Variants in NRG4 observed in about 807,000 individuals in gnomAD.
NRG4 encodes the protein pro-neuregulin-4, membrane-bound isoform.
A neutral mutation model predicts 15.0 loss-of-function variants in NRG4; 10 were observed. The observed-to-expected ratio is 0.67, with a 90% CI of 0.41 to 1.13. The LOEUF is 1.13. Among genes scored for constraint, NRG4 ranks in the 50% most tolerant of loss-of-function variants. The pLI is 0.00. For missense variants in NRG4, 139 were observed against 140.2 expected (o/e 0.99, Z 0.04); for synonymous variants, 41 against 50.1 (o/e 0.82, Z 0.77).
intron 3 of NRG4, among the ~76,000 whole-genome samples, chr15:76,001,937 A>C (rs1055403343): frequency 3.3e-5 from 5 of 152,336 alleles, no homozygotes; most frequent in African/African-American, 1.2e-4. Flanking sequence ...GGGGATACAA[A>C]GCTTAGCTCA....
chr15:76,017,892 G>A (rs1347150843), intron 5 of NRG4, among the ~76,000 whole-genome samples: 3 of 152,140 alleles, frequency 2.0e-5, no homozygotes, highest in Non-Finnish European at 4.4e-5. Flanking sequence ...GGTTGGGGAA[G>A]TTCTACTGGA....
chr15:76,034,905 C>T (rs965904627), intron 5 of NRG4, among the ~76,000 whole-genome samples: 8 of 152,138 alleles, frequency 5.3e-5, no homozygotes, highest in African/African-American at 1.9e-4. Flanking sequence ...CTATAGGATC[C>T]TACTGAAAAG....
At chr15:76,041,418 A>G (rs2035734706) in intron 4 of NRG4, among the ~76,000 whole-genome samples, 2 of 152,098 alleles carry the variant, frequency 1.3e-5, no homozygotes, top group Non-Finnish European at 2.9e-5. Flanking sequence ...ACAAGACCCA[A>G]TGATCTGTTG....
chr15:76,050,221 GT>G (rs2141963903), intron 4 of NRG4, among the ~76,000 whole-genome samples: 1 of 150,950 alleles, frequency 6.6e-6, no homozygotes, highest in East Asian at 1.9e-4. Flanking sequence ...CTCAGCAGAT[GT>G]TCACTACTTG....
At chr15:75,980,054 T>G (rs890787555) in intron 3 of NRG4, among the ~76,000 whole-genome samples, 1 of 152,186 alleles carries the variant, frequency 6.6e-6, no homozygotes, top group African/African-American at 2.4e-5. Context: ...TAACTTTTAT[T>G]GACTGTTTTT....
At chr15:75,995,915 G>C (rs1023499163) in intron 3 of NRG4, among the ~76,000 whole-genome samples, 29 of 152,160 alleles carry the variant, frequency 1.9e-4, no homozygotes, top group Non-Finnish European at 2.9e-5. Context: ...ATGCATTACA[G>C]TTCTAAGTCA....
intron 5 of NRG4, among the ~76,000 whole-genome samples, chr15:76,018,441 G>C (rs1209026488): frequency 6.6e-6 from 1 of 152,110 alleles, no homozygotes; most frequent in African/African-American, 2.4e-5. Flanking sequence ...TTTTTGTGCT[G>C]GTTTTTCCTC....
At chr15:75,966,792 A>G (rs143661498) in intron 3 of NRG4, among the ~76,000 whole-genome samples, 16 of 152,306 alleles carry the variant, frequency 1.1e-4, no homozygotes, top group Non-Finnish European at 2.1e-4. Flanking sequence ...ACTATTAGAA[A>G]TGTTCAAGAA....
chr15:75,995,344 G>C (rs1386009247), intron 3 of NRG4, among the ~76,000 whole-genome samples: 1 of 152,198 alleles, frequency 6.6e-6, no homozygotes, highest in Admixed American at 6.5e-5. Flanking sequence ...GGGGGAGCCA[G>C]TGTATCACCT....
intron 5 of NRG4, among the ~76,000 whole-genome samples, chr15:75,953,542 G>A (rs757049240): frequency 4.6e-5 from 7 of 152,232 alleles, no homozygotes; most frequent in Admixed American, 2.6e-4. Flanking sequence ...AGAATTATAG[G>A]TTTACTTTTT....
At chr15:76,045,824 T>A (rs1038447124) in intron 4 of NRG4, among the ~76,000 whole-genome samples, 1 of 150,916 alleles carries the variant, frequency 6.6e-6, no homozygotes, top group Admixed American at 6.6e-5. Context: ...GGATAGTTAA[T>A]GGATCCAAAT....
intron 4 of NRG4, among the ~76,000 whole-genome samples, chr15:76,037,058 CATACAAAAATCAAT>C (rs2035612600): frequency 6.6e-6 from 1 of 152,018 alleles, no homozygotes; most frequent in Non-Finnish European, 1.5e-5. Flanking sequence ...CAAAAATCAA[CATACAAAAATCAAT>C]AGTATTTCTA....
At chr15:76,004,441 AAAT>A (rs2034522684) in intron 3 of NRG4, among the ~76,000 whole-genome samples, 1 of 151,836 alleles carries the variant, frequency 6.6e-6, no homozygotes, top group Non-Finnish European at 1.5e-5. Context: ...TCTCTACTAA[AAAT>A]ACAAAATTAG....
chr15:75,972,313 G>T (rs368704750), intron 3 of NRG4, among the ~76,000 whole-genome samples: 1 of 152,116 alleles, frequency 6.6e-6, no homozygotes, highest in Non-Finnish European at 1.5e-5. Flanking sequence ...CTCACATTCT[G>T]TAGGTTGCCT....
chr15:76,014,754 GTA>G (rs758807212), upstream of NRG4, among the ~76,000 whole-genome samples: 9 of 152,140 alleles, frequency 5.9e-5, no homozygotes, highest in Non-Finnish European at 1.3e-4. Flanking sequence ...TAGTCTTGTA[GTA>G]TAGTTTGAAG....
rs908033662 is a variant in NRG4 at position 76,019,625 on chromosome 15, G to A, written c.-56-8339C>T. Among the ~76,000 whole-genome samples the A allele has an allele frequency of 7.2e-5, 11 of 152,166 alleles. 1 individual carries two copies. The highest frequency in any genetic ancestry group is 2.7e-4 in the African/African-American group (11 of 41,440). On this transcript the variant is annotated intron_variant, in intron 5 of 8. Coordinates refer to the NRG4 transcript ENST00000563910. ...GTTCCCCAATCCCTTGCACTTCCCC[G>A]GTGAGGCGACACCCCACCCTGCTTT...
At chr15:76,035,090 A>G (rs894795916) in intron 5 of NRG4, among the ~76,000 whole-genome samples, 3 of 152,216 alleles carry the variant, frequency 2.0e-5, no homozygotes, top group African/African-American at 7.2e-5. Flanking sequence ...TTTCTCTGTT[A>G]AGTCTGGAGG....
At chr15:76,023,231 G>T (rs1017872164) in intron 5 of NRG4, among the ~76,000 whole-genome samples, 1 of 151,534 alleles carries the variant, frequency 6.6e-6, no homozygotes, top group African/African-American at 2.4e-5. Flanking sequence ...TCACTGGAGT[G>T]TTGCCCAGAG....
intron 3 of NRG4, among the ~76,000 whole-genome samples, chr15:75,984,726 T>C (rs960744808): frequency 7.2e-5 from 11 of 152,162 alleles, no homozygotes; most frequent in African/African-American, 2.7e-4. Flanking sequence ...CCATGGCACG[T>C]GTATACCTAT....
Sources: gnomAD v4.1 joint callset for allele counts (sites outside exome capture counted in the v4.1 genomes callset) on GRCh38, gnomAD v4.1.1 for gene constraint, MANE v1.5 for transcripts, NCBI Gene and HGNC (gene_info 2026-07-23, HGNC 2026-07-21) for gene names.